ANO10: variants seen among roughly 807,000 people sequenced by gnomAD.
The protein encoded by ANO10 is anoctamin-10.
A neutral mutation model predicts 74.7 loss-of-function variants in ANO10; 77 were observed. The ratio of observed to expected loss-of-function variants is 1.03; its 90% CI spans 0.86 to 1.25. The LOEUF (loss-of-function observed/expected upper bound fraction) is 1.25, where lower values mean the gene tolerates loss of function less well. ANO10 is among the 50% of genes most tolerant of loss of function. The probability of loss-of-function intolerance (pLI) is 0.00; values close to 1 mark genes in which losing one functional copy is unlikely to be tolerated. For synonymous variants in ANO10, 279 were observed against 284.9 expected (o/e 0.98, Z 0.21); for missense variants, 721 against 778.1 (o/e 0.93, Z 0.87).
intron 11 of ANO10, among the ~76,000 whole-genome samples, chr3:43,443,237 G>A (rs552769510): frequency 6.6e-6 from 1 of 152,342 alleles, no homozygotes; most frequent in Non-Finnish European, 1.5e-5. Context: ...AAGATCAGTC[G>A]AGTGAACAAG....
intron 1 of ANO10, among the ~76,000 whole-genome samples, chr3:43,657,072 A>C (rs2083865826): frequency 6.6e-6 from 1 of 152,286 alleles, no homozygotes; most frequent in South Asian, 2.1e-4. Flanking sequence ...AAATAAATGA[A>C]TGTTTCAATT....
At chr3:43,545,490 C>T (rs1011466383) in intron 11 of ANO10, among the ~76,000 whole-genome samples, 2 of 152,028 alleles carry the variant, frequency 1.3e-5, no homozygotes, top group Admixed American at 6.6e-5. Context: ...CTCAGTCTCC[C>T]GAGTAGCTGG....
chr3:43,649,333 G>A (rs9872385), intron 1 of ANO10, among the ~76,000 whole-genome samples: 7,855 of 152,168 alleles, frequency 0.052, 234 homozygotes, highest in Non-Finnish European at 0.062. Context: ...TTATATTAAC[G>A]TAAGTACAAA....
intron 1 of ANO10, among the ~76,000 whole-genome samples, chr3:43,653,202 T>C (rs2083808406): frequency 6.6e-6 from 1 of 151,608 alleles, no homozygotes; most frequent in Non-Finnish European, 1.5e-5. Flanking sequence ...AGAGCAAGAC[T>C]CCGTCTCAAA....
chr3:43,589,504 T>A (rs1443743401), intron 4 of ANO10, among the ~76,000 whole-genome samples: 1 of 152,098 alleles, frequency 6.6e-6, no homozygotes, highest in Non-Finnish European at 1.5e-5. Flanking sequence ...CTGGGCAACA[T>A]GGTGAAACCT....
Position 43,402,438 on chromosome 3 carries a change from T to C in ANO10, c.1914+30173A>G, listed in dbSNP as rs139708980. ...GCCTAAATGATACATAATATTACTT[T>C]GCATATTTTAAAACATTATGTTCAT... On this transcript the variant is annotated intron_variant, in intron 12 of 12. Transcript: ENST00000292246. 5.3e-5 allele frequency among the ~76,000 whole-genome samples: 8 copies of C among 152,322 alleles called. No individual in the cohort carries two copies. In the East Asian group the frequency reaches 1.3e-3, roughly 26 times the overall value.
chr3:43,681,032 A>C lies in ANO10; in HGVS notation c.-12+10485T>G, dbSNP rs1416052779. Reference sequence around the variant, plus strand: ...GAAACTGCATCAACTAACGAGCAAAATAACCATCTAACATCATAATGACAG... The same window carrying C: ...GAAACTGCATCAACTAACGAGCAAACTAACCATCTAACATCATAATGACAG... On this transcript the variant is annotated intron_variant, in intron 1 of 3. Transcript: ENST00000413397. 2.6e-5 allele frequency among the ~76,000 whole-genome samples: 4 copies of C among 152,346 alleles called. No individual in the cohort carries two copies. The South Asian group carries it at 6.2e-4, about 24-fold the overall frequency.
chr3:43,638,892 G>T (rs1018042624), intron 1 of ANO10: 1 of 152,308 alleles, frequency 6.6e-6, no homozygotes. Flanking sequence ...GCTTAGCTGA[G>T]TGGTTCTGGC....
At chr3:43,412,338 C>T (rs142301403) in intron 12 of ANO10, among the ~76,000 whole-genome samples, 11 of 152,182 alleles carry the variant, frequency 7.2e-5, no homozygotes, top group African/African-American at 2.4e-4. Flanking sequence ...ATCAGGAATG[C>T]CGATGCAGTC....
intron 7 of ANO10, among the ~76,000 whole-genome samples, chr3:43,568,475 A>C (rs1184117600): frequency 6.6e-6 from 1 of 151,692 alleles, no homozygotes; most frequent in Non-Finnish European, 1.5e-5. Context: ...CAGAAATTAT[A>C]ACAAACTATC....
At chr3:43,381,440 C>T (rs2091955705) in intron 12 of ANO10, among the ~76,000 whole-genome samples, 1 of 152,120 alleles carries the variant, frequency 6.6e-6, no homozygotes, top group Non-Finnish European at 1.5e-5. Context: ...ACAAAACAAA[C>T]TTTAAAACAA....
At chr3:43,368,666 T>C (rs2125666869) in intron 12 of ANO10, among the ~76,000 whole-genome samples, 1 of 152,264 alleles carries the variant, frequency 6.6e-6, no homozygotes, top group Middle Eastern at 3.4e-3. Context: ...CATTTAATAC[T>C]TGTAAGACTT....
chr3:43,457,862 A>G (rs2075205165), intron 11 of ANO10, among the ~76,000 whole-genome samples: 1 of 152,146 alleles, frequency 6.6e-6, no homozygotes, highest in South Asian at 2.1e-4. Context: ...CAACATGGAG[A>G]GTTCTGCAGT....
At chr3:43,548,841 G>GA (rs1325486534) in intron 11 of ANO10, among the ~76,000 whole-genome samples, 1 of 152,110 alleles carries the variant, frequency 6.6e-6, no homozygotes. Flanking sequence ...ATGTTACAGG[G>GA]ATCCATATTC....
intron 1 of ANO10, among the ~76,000 whole-genome samples, chr3:43,688,149 TTC>T (rs577381790): frequency 3.3e-5 from 5 of 151,862 alleles, no homozygotes; most frequent in Admixed American, 1.3e-4. Context: ...AATGGTCTCT[TTC>T]TCTCTTTTTT....
chr3:43,386,991 G>T (rs1393151244), intron 12 of ANO10, among the ~76,000 whole-genome samples: 1 of 152,130 alleles, frequency 6.6e-6, no homozygotes, highest in Non-Finnish European at 1.5e-5. Context: ...CTGGACTCTA[G>T]GAACCGTCAT....
chr3:43,576,176 T>C (rs1256438712), intron 6 of ANO10, among the ~76,000 whole-genome samples: 1 of 152,218 alleles, frequency 6.6e-6, no homozygotes, highest in Non-Finnish European at 1.5e-5. Context: ...TTTAGGAAAC[T>C]GGTCATAGTT....
chr3:43,516,372 C>A (rs1158026820), intron 11 of ANO10, among the ~76,000 whole-genome samples: 1 of 152,148 alleles, frequency 6.6e-6, no homozygotes, highest in Non-Finnish European at 1.5e-5. Flanking sequence ...CAGGCAAAGA[C>A]ACAAAAGCAG....
At chr3:43,420,311 T>C (rs2092800673) in intron 12 of ANO10, among the ~76,000 whole-genome samples, 1 of 151,932 alleles carries the variant, frequency 6.6e-6, no homozygotes, top group South Asian at 2.1e-4. Context: ...CCCTTCATGG[T>C]GGCGCACACC....
Sources: allele counts gnomAD v4.1 joint callset (sites outside exome capture counted in the v4.1 genomes callset), GRCh38; gene constraint gnomAD v4.1.1; transcripts MANE v1.5; gene names NCBI Gene and HGNC (gene_info 2026-07-23, HGNC 2026-07-21).